Variants in DENND1B observed in about 807,000 individuals in gnomAD.
DENND1B encodes the protein DENN domain-containing protein 1B.
DENND1B carries 59 observed loss-of-function variants against 90.1 expected under a neutral mutation model. That is an observed-to-expected ratio of 0.65 (90% CI 0.53 to 0.81). The LOEUF is 0.81. Ranked by LOEUF, DENND1B falls within the 40% of genes least tolerant of loss-of-function variation. The pLI, the probability that DENND1B is intolerant of heterozygous loss-of-function variation, is 0.00. For missense variants in DENND1B, 862 were observed against 912.6 expected, an observed-to-expected ratio of 0.94 and a Z score of 0.71; for synonymous variants, 337 against 324.6, an observed-to-expected ratio of 1.04 and a Z score of -0.41.
rs118106398 is a variant in DENND1B, at chr1:197,737,925, A to G, written c.83-22851T>C. 2.9e-4 allele frequency among the ~76,000 whole-genome samples: 44 copies of G among 152,314 alleles called. No homozygotes were observed. The East Asian group carries it at 8.5e-3, about 29-fold the overall frequency. Reference sequence around the variant, plus strand: ...TTAGTTCTAAGATAAAATTTCCAGTATTATGCTGAAATTTTATTAGAAAGG... The same window carrying G: ...TTAGTTCTAAGATAAAATTTCCAGTGTTATGCTGAAATTTTATTAGAAAGG... On this transcript the variant is annotated intron_variant, in intron 2 of 22. Transcript: ENST00000620048.
At chr1:197,623,113 T>A (rs1230032039) in intron 10 of DENND1B, among the ~76,000 whole-genome samples, 5 of 151,390 alleles carry the variant, frequency 3.3e-5, no homozygotes, top group African/African-American at 1.2e-4. Flanking sequence ...ACACTTCAGC[T>A]AGAGTTATAG....
At chr1:197,577,495 G>C (rs1437917627) in intron 15 of DENND1B, among the ~76,000 whole-genome samples, 1 of 152,112 alleles carries the variant, frequency 6.6e-6, no homozygotes, top group Non-Finnish European at 1.5e-5. Flanking sequence ...GAGAGGTTTT[G>C]GGGGAAAGGT....
chr1:197,686,547 G>A (rs1320967512), intron 3 of DENND1B, among the ~76,000 whole-genome samples: 1 of 151,994 alleles, frequency 6.6e-6, no homozygotes, highest in East Asian at 1.9e-4. Context: ...TTTCTACAAT[G>A]TGTGACACCT....
intron 2 of DENND1B, among the ~76,000 whole-genome samples, chr1:197,770,713 A>AATATATATCTATAAATATATATAAAT (rs1558503456): frequency 3.7e-4 from 53 of 142,250 alleles, no homozygotes; most frequent in Admixed American, 6.6e-4. Flanking sequence ...TAAATATATA[A>AATATATATCTATAAATATATATAAAT]ATATATATCT....
chr1:197,600,430 G>C (rs1676098068), intron 13 of DENND1B, among the ~76,000 whole-genome samples: 1 of 151,644 alleles, frequency 6.6e-6, no homozygotes. Flanking sequence ...TTTTCAGGCT[G>C]TCCCTAAAAG....
At chr1:197,603,542 A>C (rs12142712) in intron 13 of DENND1B, among the ~76,000 whole-genome samples, 1 of 150,936 alleles carries the variant, frequency 6.6e-6, no homozygotes, top group Admixed American at 6.6e-5. Flanking sequence ...GTAAAAAAAA[A>C]CTTGCCTGTT....
chr1:197,658,209 A>G (rs971251652), intron 6 of DENND1B, 91 bp downstream of exon 6: 9 of 1,052,376 alleles, frequency 8.6e-6, no homozygotes, highest in Non-Finnish European at 1.2e-5. Flanking sequence ...ACTTAATGTC[A>G]CAAAACTATA....
rs189511816 is a variant in DENND1B, at chr1:197,729,717, C to T, written c.83-14643G>A. On this transcript the variant is annotated intron_variant, in intron 2 of 22. Transcript: ENST00000620048. ...AGCCCCCATAATGTACAGCACAGTA[C>T]CTCTCAAGCTTTTTGGTCTCAGGAC... is the stretch of plus-strand genomic sequence containing the variant. 6.6e-5 allele frequency among the ~76,000 whole-genome samples: 10 copies of T among 152,234 alleles called. No individual in the cohort carries two copies. In the East Asian group the frequency reaches 1.4e-3, roughly 21 times the overall value.
At chr1:197,755,248 A>G (rs1022284810) in intron 2 of DENND1B, among the ~76,000 whole-genome samples, 1 of 152,214 alleles carries the variant, frequency 6.6e-6, no homozygotes, top group Non-Finnish European at 1.5e-5. Context: ...TCTGTGCTCC[A>G]GTTTCCTCAA....
intron 2 of DENND1B, chr1:197,736,182 A>C (rs1375028131): frequency 2.0e-6 from 1 of 488,168 alleles, no homozygotes; most frequent in African/African-American, 2.0e-5. Context: ...GGAATACTGC[A>C]AAACAACCCA....
intron 2 of DENND1B, among the ~76,000 whole-genome samples, chr1:197,758,454 T>G (rs1396865447): frequency 1.3e-5 from 2 of 152,230 alleles, no homozygotes; most frequent in Non-Finnish European, 2.9e-5. Context: ...AAATAAAAGT[T>G]TCTATCTACA....
intron 9 of DENND1B, among the ~76,000 whole-genome samples, chr1:197,643,523 C>A (rs1680468502): frequency 6.6e-6 from 1 of 152,086 alleles, no homozygotes. Context: ...GAAACCGCTG[C>A]CCCAGACAAT....
At chr1:197,778,093 T>C (rs867960176), upstream of DENND1B, among the ~76,000 whole-genome samples, 6 of 152,276 alleles carry the variant, frequency 3.9e-5, no homozygotes, top group Middle Eastern at 3.4e-3. Context: ...TGTAATAATA[T>C]ACACATCAGT....
chr1:197,522,018 A>G (rs1478150097), intron 20 of DENND1B, among the ~76,000 whole-genome samples: 1 of 152,062 alleles, frequency 6.6e-6, no homozygotes, highest in Non-Finnish European at 1.5e-5. Flanking sequence ...TGCTAGATAA[A>G]TAAGTCCAGA....
intron 15 of DENND1B, among the ~76,000 whole-genome samples, chr1:197,556,034 T>C (rs1445839807): frequency 6.6e-6 from 1 of 152,052 alleles, no homozygotes; most frequent in Non-Finnish European, 1.5e-5. Context: ...TAAAAAAGAA[T>C]GAAATCATGT....
chr1:197,542,576 A>G (rs1011790735), intron 18 of DENND1B, among the ~76,000 whole-genome samples: 2 of 152,214 alleles, frequency 1.3e-5, no homozygotes, highest in African/African-American at 4.8e-5. Context: ...AGATAGAGGT[A>G]AAAACATGAT....
intron 14 of DENND1B, among the ~76,000 whole-genome samples, chr1:197,584,854 G>A (rs990024980): frequency 2.6e-5 from 4 of 151,962 alleles, no homozygotes; most frequent in Non-Finnish European, 2.9e-5. Context: ...TGTATTTTCT[G>A]TAGAGAAAGG....
chr1:197,526,538 T>C lies in DENND1B; in HGVS notation c.1515+13426A>G, dbSNP rs528716639. 2.0e-5 allele frequency among the ~76,000 whole-genome samples: 3 copies of C among 152,302 alleles called. No homozygotes were observed. In the South Asian group the frequency reaches 6.2e-4, roughly 32 times the overall value. ...CTAGAATGGTAGTATTCACTAGATT[T>C]ACTAAATGGAGAAATTGAGTACCTT... is the stretch of plus-strand genomic sequence containing the variant. On this transcript the variant is annotated intron_variant, in intron 20 of 22. Transcript: ENST00000620048.
intron 20 of DENND1B, among the ~76,000 whole-genome samples, chr1:197,521,994 T>C (rs1375118594): frequency 1.3e-5 from 2 of 152,054 alleles, no homozygotes; most frequent in East Asian, 3.9e-4. Flanking sequence ...ACAGAACTGT[T>C]TTCATCATAA....
Sources: allele counts gnomAD v4.1 joint callset (sites outside exome capture counted in the v4.1 genomes callset), GRCh38; gene constraint gnomAD v4.1.1; transcripts MANE v1.5; gene names NCBI Gene and HGNC (gene_info 2026-07-23, HGNC 2026-07-21).